Variants in PCSK2 observed in about 807,000 individuals in gnomAD.
PCSK2 encodes the protein proprotein convertase subtilisin/kexin type 2.
PCSK2 carries 14 observed loss-of-function variants against 69.7 expected under a neutral mutation model. The ratio of observed to expected loss-of-function variants is 0.20; its 90% CI spans 0.13 to 0.31. The LOEUF is 0.31. Ranked by LOEUF, PCSK2 falls within the 10% of genes least tolerant of loss-of-function variation. The pLI, the probability that PCSK2 is intolerant of heterozygous loss-of-function variation, is 1.00. For synonymous variants in PCSK2, 307 were observed against 320.7 expected, an observed-to-expected ratio of 0.96 and a Z score of 0.46; for missense variants, 544 against 842.5, an observed-to-expected ratio of 0.65 and a Z score of 4.39.
intron 5 of PCSK2, among the ~76,000 whole-genome samples, chr20:17,383,333 AAAG>A (rs2031141707): frequency 6.6e-6 from 1 of 152,220 alleles, no homozygotes. Context: ...TCAGTGCCAC[AAAG>A]AAGACAATTT....
chr20:17,433,583 T>C (rs188977258), intron 7 of PCSK2, among the ~76,000 whole-genome samples: 1 of 152,286 alleles, frequency 6.6e-6, no homozygotes, highest in East Asian at 1.9e-4. Context: ...CTAGCCACAG[T>C]GCATGCTGCA....
intron 5 of PCSK2, among the ~76,000 whole-genome samples, chr20:17,390,037 T>C (rs1197467659): frequency 6.6e-6 from 1 of 152,226 alleles, no homozygotes; most frequent in African/African-American, 2.4e-5. Context: ...AATAAAACTG[T>C]GATGTGTTTA....
At chr20:17,309,544 A>T (rs923301138) in intron 2 of PCSK2, among the ~76,000 whole-genome samples, 13 of 152,224 alleles carry the variant, frequency 8.5e-5, no homozygotes, top group Admixed American at 2.6e-4. Context: ...GATGCTGGGC[A>T]TGGCGGCTCA....
chr20:17,445,242 G>A (rs940149495), intron 8 of PCSK2, among the ~76,000 whole-genome samples: 3 of 152,196 alleles, frequency 2.0e-5, no homozygotes, highest in African/African-American at 7.2e-5. Flanking sequence ...TTCGGGTGAC[G>A]CTAGAAGGTC....
At chr20:17,276,823 C>T (rs1177649304) in intron 2 of PCSK2, among the ~76,000 whole-genome samples, 2 of 152,134 alleles carry the variant, frequency 1.3e-5, no homozygotes, top group African/African-American at 2.4e-5. Flanking sequence ...AAAACCCCAT[C>T]GTCTCAGCCC....
At chr20:17,355,495 C>T (rs891061664) in intron 2 of PCSK2, among the ~76,000 whole-genome samples, 2 of 152,174 alleles carry the variant, frequency 1.3e-5, no homozygotes, top group Non-Finnish European at 2.9e-5. Context: ...AAGTGAGACA[C>T]CTTCTTTCCC....
chr20:17,279,742 G>A (rs1274176603), intron 2 of PCSK2, among the ~76,000 whole-genome samples: 2 of 147,510 alleles, frequency 1.4e-5, no homozygotes, highest in Non-Finnish European at 3.0e-5. Context: ...AGCCGAGATC[G>A]CGCCACTGCA....
chr20:17,306,822 T>G (rs1418998167), intron 2 of PCSK2, among the ~76,000 whole-genome samples: 1 of 152,190 alleles, frequency 6.6e-6, no homozygotes, highest in African/African-American at 2.4e-5. Flanking sequence ...AGGAAATAGA[T>G]GTCAGACCTA....
At chr20:17,358,112 C>T (rs1417575423) in intron 2 of PCSK2, among the ~76,000 whole-genome samples, 1 of 149,666 alleles carries the variant, frequency 6.7e-6, no homozygotes, top group Non-Finnish European at 1.5e-5. Flanking sequence ...TCGAGACCAG[C>T]CTGGGAAACA....
intron 5 of PCSK2, among the ~76,000 whole-genome samples, chr20:17,383,222 C>A (rs1241605013): frequency 1.3e-5 from 2 of 152,174 alleles, no homozygotes; most frequent in Admixed American, 1.3e-4. Context: ...TCTGGCCATG[C>A]TTTCTCCTCA....
At chr20:17,391,464 T>C (rs2031370865) in intron 5 of PCSK2, among the ~76,000 whole-genome samples, 1 of 152,148 alleles carries the variant, frequency 6.6e-6, no homozygotes, top group African/African-American at 2.4e-5. Context: ...TGCTGGTTAA[T>C]AGATGTAGGG....
At chr20:17,440,383 A>G (rs1472041385) in intron 8 of PCSK2, among the ~76,000 whole-genome samples, 1 of 152,142 alleles carries the variant, frequency 6.6e-6, no homozygotes, top group Non-Finnish European at 1.5e-5. Flanking sequence ...GTTTCTTAAA[A>G]CCTACAATGA....
chr20:17,303,815 G>A (rs1051893641), intron 2 of PCSK2, among the ~76,000 whole-genome samples: 1 of 148,500 alleles, frequency 6.7e-6, no homozygotes, highest in Non-Finnish European at 1.5e-5. Context: ...GACCTCAGGT[G>A]ATCCACCCCC....
chr20:17,244,859 T>G (rs1986713777), intron 1 of PCSK2, among the ~76,000 whole-genome samples: 1 of 152,164 alleles, frequency 6.6e-6, no homozygotes, highest in East Asian at 1.9e-4. Context: ...AAGCACTTGC[T>G]TTGAGGAGTC....
At chr20:17,287,408 A>G (rs1988549746) in intron 2 of PCSK2, among the ~76,000 whole-genome samples, 1 of 146,374 alleles carries the variant, frequency 6.8e-6, no homozygotes, top group Non-Finnish European at 1.5e-5. Context: ...CATTTCAGGG[A>G]TCTTGCACCA....
At chr20:17,228,552 G>C (rs949061369) in intron 1 of PCSK2, among the ~76,000 whole-genome samples, 18 of 152,172 alleles carry the variant, frequency 1.2e-4, no homozygotes, top group Admixed American at 2.0e-4. Context: ...AGGGCTGGGT[G>C]GAGGTCCCTG....
intron 6 of PCSK2, among the ~76,000 whole-genome samples, chr20:17,429,042 A>G (rs1456234079): frequency 6.7e-6 from 1 of 148,172 alleles, no homozygotes; most frequent in African/African-American, 2.5e-5. Context: ...ATAAATAAAT[A>G]TAAATAAAGT....
chr20:17,335,816 G>A (rs8121922), intron 2 of PCSK2, among the ~76,000 whole-genome samples: 44,469 of 149,840 alleles, frequency 0.3, 7,492 homozygotes, highest in Non-Finnish European at 0.39. Context: ...TGCTGCAAAT[G>A]CCATTATTTT....
chr20:17,277,767 T>A (rs1988144675), intron 2 of PCSK2, among the ~76,000 whole-genome samples: 1 of 151,900 alleles, frequency 6.6e-6, no homozygotes, highest in African/African-American at 2.4e-5. Context: ...GAAATTACCA[T>A]CAGAGTGAAC....
Sources: gnomAD v4.1 joint callset for allele counts (sites outside exome capture counted in the v4.1 genomes callset) on GRCh38, gnomAD v4.1.1 for gene constraint, MANE v1.5 for transcripts, NCBI Gene and HGNC (gene_info 2026-07-23, HGNC 2026-07-21) for gene names.